ADAMTS3: variants seen among roughly 807,000 people sequenced by gnomAD.
ADAMTS3 encodes the protein ADAM metallopeptidase with thrombospondin type 1 motif 3.
A neutral mutation model predicts 129.0 loss-of-function variants in ADAMTS3; 73 were observed. The ratio of observed to expected loss-of-function variants is 0.57; its 90% confidence interval spans 0.47 to 0.69. The LOEUF is 0.69. Among genes scored for constraint, ADAMTS3 ranks in the 30% least tolerant of loss-of-function variants. The pLI is 0.00. For synonymous variants in ADAMTS3, 477 were observed against 510.8 expected (o/e 0.93, Z 0.89); for missense variants, 1,457 against 1,514.5 (o/e 0.96, Z 0.63).
intron 3 of ADAMTS3, among the ~76,000 whole-genome samples, chr4:72,420,291 C>T (rs1722409879): frequency 6.6e-6 from 1 of 152,164 alleles, no homozygotes; most frequent in South Asian, 2.1e-4. Flanking sequence ...TCACTCCAGC[C>T]ATGATGGGCT....
At chr4:72,310,001 A>G (rs1719191049) in intron 14 of ADAMTS3, among the ~76,000 whole-genome samples, 1 of 152,066 alleles carries the variant, frequency 6.6e-6, no homozygotes, top group Non-Finnish European at 1.5e-5. Context: ...ATAGAAAAGC[A>G]TTTCAGGAAA....
rs568735714 is a variant in ADAMTS3, at chr4:72,469,382, T to C, written c.505-54411A>G. Among the ~76,000 whole-genome samples the C allele has an allele frequency of 4.2e-4, 64 of 152,236 alleles. 1 individual carries two copies. The highest frequency in any genetic ancestry group is 4.2e-3 in the Admixed American group (64 of 15,286). On this transcript the variant is annotated intron_variant, in intron 3 of 21. Coordinates refer to ENST00000286657, the MANE Select transcript of ADAMTS3 (RefSeq NM_014243.3). ...TAGAAGTGATGTTGTTTCAGGCTCATTGTTTAATATCAGAGGCTCCATTTC... is the reference window on the plus strand; with the variant it reads ...TAGAAGTGATGTTGTTTCAGGCTCACTGTTTAATATCAGAGGCTCCATTTC...
intron 2 of ADAMTS3, among the ~76,000 whole-genome samples, chr4:72,550,257 G>C (rs776059770): frequency 6.6e-6 from 1 of 151,828 alleles, no homozygotes; most frequent in Non-Finnish European, 1.5e-5. Flanking sequence ...TGGAGATCAC[G>C]AGTTTTGTCA....
intron 3 of ADAMTS3, among the ~76,000 whole-genome samples, chr4:72,419,609 A>AT (rs1465113440): frequency 6.6e-6 from 1 of 152,100 alleles, no homozygotes; most frequent in Admixed American, 6.5e-5. Context: ...ACGTTATGAG[A>AT]TTTTTTGTGA....
chr4:72,405,897 C>A (rs1722037552), intron 4 of ADAMTS3, among the ~76,000 whole-genome samples: 1 of 152,080 alleles, frequency 6.6e-6, no homozygotes. Context: ...CTAAAATATG[C>A]AAATCATCAA....
intron 3 of ADAMTS3, among the ~76,000 whole-genome samples, chr4:72,525,761 A>G (rs941165677): frequency 2.6e-4 from 39 of 152,302 alleles, no homozygotes; most frequent in South Asian, 2.1e-4. Flanking sequence ...AGTAGCCCTC[A>G]GAAGCAAGTG....
chr4:72,474,833 C>T (rs374308843), intron 3 of ADAMTS3, among the ~76,000 whole-genome samples: 18 of 151,526 alleles, frequency 1.2e-4, no homozygotes, highest in African/African-American at 4.1e-4. Context: ...GAGACCATCC[C>T]GGCTAAAACG....
chr4:72,424,181 G>A (rs1362436408), intron 3 of ADAMTS3, among the ~76,000 whole-genome samples: 1 of 152,020 alleles, frequency 6.6e-6, no homozygotes, highest in African/African-American at 2.4e-5. Flanking sequence ...GATGCTTTCT[G>A]TTATCTCGAA....
At chr4:72,566,237 C>T (rs536755915) in intron 2 of ADAMTS3, among the ~76,000 whole-genome samples, 2 of 152,250 alleles carry the variant, frequency 1.3e-5, no homozygotes, top group Admixed American at 6.5e-5. Flanking sequence ...TTGATATATG[C>T]TCATATATTA....
chr4:72,504,086 C>A (rs777640201), intron 3 of ADAMTS3, among the ~76,000 whole-genome samples: 1 of 152,072 alleles, frequency 6.6e-6, no homozygotes, highest in Non-Finnish European at 1.5e-5. Flanking sequence ...ATGTTTAGAA[C>A]ATTTACATTT....
At chr4:72,438,755 AG>A (rs1285632817) in intron 3 of ADAMTS3, among the ~76,000 whole-genome samples, 1 of 151,766 alleles carries the variant, frequency 6.6e-6, no homozygotes, top group Admixed American at 6.6e-5. Context: ...TGGTTTGCCT[AG>A]GACTACTCTA....
intron 17 of ADAMTS3, among the ~76,000 whole-genome samples, chr4:72,302,825 T>C (rs950031156): frequency 6.6e-6 from 1 of 152,134 alleles, no homozygotes; most frequent in Non-Finnish European, 1.5e-5. Context: ...AGGCTTCTCT[T>C]CATAAATGAT....
At chr4:72,453,923 T>C (rs1410479286) in intron 3 of ADAMTS3, among the ~76,000 whole-genome samples, 1 of 149,454 alleles carries the variant, frequency 6.7e-6, no homozygotes, top group East Asian at 2.0e-4. Flanking sequence ...TATATATGTA[T>C]ACATAGGGAG....
At position 72,283,309 on chromosome 4, in the gene ADAMTS3, A is replaced by G. The variant is rs766448141; in HGVS notation, c.3445T>C (p.Ser1149Pro). ...SKTVRLVTVP[S>P]SPPTKRVHLS... ...TGGACCCTCTTGGTGGGTGGGGAGG[A>G]TGGTACGGTGACCAGTCTCACAGTC... Residue 1149 changes from serine to proline, a missense_variant, in exon 22 of 22, where the codon TCC becomes CCC. Coordinates refer to ENST00000286657, the MANE Select transcript of ADAMTS3 (RefSeq NM_014243.3). 1.9e-6 allele frequency: 3 copies of G among 1,613,822 alleles called. No individual in the cohort carries two copies. The highest frequency in any genetic ancestry group is 1.1e-5 in the South Asian group (1 of 91,050).
chr4:72,291,789 T>C (rs1718677769), intron 19 of ADAMTS3, among the ~76,000 whole-genome samples: 1 of 152,148 alleles, frequency 6.6e-6, no homozygotes, highest in Non-Finnish European at 1.5e-5. Context: ...CTGGGTCAAA[T>C]GGTATTTCTA....
intron 5 of ADAMTS3, among the ~76,000 whole-genome samples, chr4:72,323,550 A>G (rs1719620732): frequency 6.6e-6 from 1 of 152,128 alleles, no homozygotes; most frequent in Non-Finnish European, 1.5e-5. Flanking sequence ...GAGAGAGCCA[A>G]TGGCTATGGG....
chr4:72,458,124 A>G (rs959721728), intron 3 of ADAMTS3, among the ~76,000 whole-genome samples: 1 of 151,572 alleles, frequency 6.6e-6, no homozygotes, highest in African/African-American at 2.4e-5. Context: ...GGTGATAATG[A>G]AGAGAAATAA....
chr4:72,294,355 A>G (rs752876565), intron 19 of ADAMTS3, among the ~76,000 whole-genome samples: 3 of 152,094 alleles, frequency 2.0e-5, no homozygotes, highest in Non-Finnish European at 4.4e-5. Flanking sequence ...TTCAGTTAGA[A>G]GAAACATGTT....
At chr4:72,438,380 T>C (rs867720069) in intron 3 of ADAMTS3, among the ~76,000 whole-genome samples, 1 of 151,938 alleles carries the variant, frequency 6.6e-6, no homozygotes, top group African/African-American at 2.4e-5. Context: ...CAAAATTTTA[T>C]GAAATATTTA....
Sources: allele counts gnomAD v4.1 joint callset (sites outside exome capture counted in the v4.1 genomes callset), GRCh38; gene constraint gnomAD v4.1.1; transcripts MANE v1.5; gene names NCBI Gene and HGNC (gene_info 2026-07-23, HGNC 2026-07-21).